Variants in PCDH9 observed in about 807,000 individuals in gnomAD.
The protein encoded by PCDH9 is protocadherin 9.
A neutral mutation model predicts 70.6 loss-of-function variants in PCDH9; 24 were observed. That is an observed-to-expected ratio of 0.34 (90% CI 0.25 to 0.48). The LOEUF is 0.48. PCDH9 is among the 20% of genes least tolerant of loss of function. The probability of loss-of-function intolerance (pLI) is 0.99; values close to 1 mark genes in which losing one functional copy is unlikely to be tolerated. For missense variants in PCDH9, 1,281 were observed against 1,503.6 expected (o/e 0.85, Z 2.45); for synonymous variants, 562 against 558.5 (o/e 1.01, Z -0.09).
chr13:66,799,112 C>T (rs914166006), intron 3 of PCDH9, among the ~76,000 whole-genome samples: 1 of 152,162 alleles, frequency 6.6e-6, no homozygotes, highest in Non-Finnish European at 1.5e-5. Flanking sequence ...AGCCACCACA[C>T]CTGGCCTGCT....
At chr13:66,770,070 C>G (rs931279295) in intron 3 of PCDH9, among the ~76,000 whole-genome samples, 2 of 152,058 alleles carry the variant, frequency 1.3e-5, no homozygotes, top group African/African-American at 4.8e-5. Flanking sequence ...TTTATTTACA[C>G]TGGGAAATAG....
At chr13:67,096,936 C>T (rs78086023) in intron 2 of PCDH9, among the ~76,000 whole-genome samples, 319 of 152,070 alleles carry the variant, frequency 2.1e-3, no homozygotes, top group African/African-American at 7.4e-3. Flanking sequence ...GATTGACTGG[C>T]ACAGTTTTTA....
chr13:66,701,971 G>A (rs2078653708), intron 3 of PCDH9, among the ~76,000 whole-genome samples: 1 of 152,114 alleles, frequency 6.6e-6, no homozygotes, highest in Admixed American at 6.5e-5. Context: ...AGGAAGCTGG[G>A]CAACGCGCAG....
intron 2 of PCDH9, among the ~76,000 whole-genome samples, chr13:66,925,335 C>T (rs200816361): frequency 2.3e-5 from 2 of 85,422 alleles, no homozygotes; most frequent in Non-Finnish European, 4.7e-5. Flanking sequence ...ACATTTTTGG[C>T]TTACCGTATC....
At chr13:66,572,945 C>T (rs2076754593) in intron 4 of PCDH9, among the ~76,000 whole-genome samples, 2 of 151,734 alleles carry the variant, frequency 1.3e-5, no homozygotes, top group African/African-American at 4.8e-5. Flanking sequence ...TTTTTTGTAG[C>T]GGGGACTCAT....
At chr13:66,889,000 C>T (rs938498408) in intron 3 of PCDH9, among the ~76,000 whole-genome samples, 2 of 152,182 alleles carry the variant, frequency 1.3e-5, no homozygotes, top group African/African-American at 4.8e-5. Context: ...TCATATTCAA[C>T]TTTCAGGAAG....
chr13:66,610,605 T>A (rs2077282306), intron 4 of PCDH9, among the ~76,000 whole-genome samples: 1 of 152,210 alleles, frequency 6.6e-6, no homozygotes, highest in African/African-American at 2.4e-5. Flanking sequence ...CCTGAACTTC[T>A]TATTTTAAAT....
chr13:66,892,111 T>C (rs987311382), intron 3 of PCDH9, among the ~76,000 whole-genome samples: 1 of 151,234 alleles, frequency 6.6e-6, no homozygotes, highest in African/African-American at 2.4e-5. Context: ...AACTAGCTAG[T>C]TTTTAATAAA....
At chr13:67,213,239 G>GAAAAAAAAAAAA (rs67729730) in intron 2 of PCDH9, 1 of 73,394 alleles carries the variant, frequency 1.4e-5, no homozygotes, top group Non-Finnish European at 2.4e-5. Flanking sequence ...AAAAAAAAAA[G>GAAAAAAAAAAAA]AAAAAAAAAA....
At chr13:66,308,923 A>G (rs906490320) in intron 4 of PCDH9, among the ~76,000 whole-genome samples, 9 of 152,076 alleles carry the variant, frequency 5.9e-5, no homozygotes, top group Admixed American at 1.3e-4. Flanking sequence ...AACAAAACCT[A>G]TATACATCAA....
rs913335195 is a variant in PCDH9, at chr13:66,600,637, T to C, written c.3340+30573A>G. On this transcript the variant is annotated intron_variant, in intron 4 of 4. Coordinates refer to ENST00000377865, the MANE Select transcript of PCDH9 (RefSeq NM_203487.3). ...TTATATTGTCATATCTGTTTTGTGC[T>C]TTATATTTTATTAACAGTAATTATG... Among the ~76,000 whole-genome samples the C allele has an allele frequency of 1.4e-5, 2 of 147,522 alleles. 1 individual carries two copies. The highest frequency in any genetic ancestry group is 3.1e-5 in the Non-Finnish European group (2 of 65,382).
intron 2 of PCDH9, among the ~76,000 whole-genome samples, chr13:67,042,751 G>A (rs912384235): frequency 1.3e-5 from 2 of 152,158 alleles, no homozygotes; most frequent in African/African-American, 4.8e-5. Flanking sequence ...TTAGCTCCAA[G>A]TGTCACGGTT....
intron 3 of PCDH9, among the ~76,000 whole-genome samples, chr13:66,746,127 C>A (rs1010043158): frequency 1.3e-5 from 2 of 152,132 alleles, no homozygotes; most frequent in East Asian, 1.9e-4. Context: ...TTGCCATATA[C>A]TTTTCACTTA....
At position 66,520,252 on chromosome 13, in the gene PCDH9, G is replaced by A. The variant is rs1034427303; in HGVS notation, c.3340+110958C>T. Among the ~76,000 whole-genome samples, 6 of 152,140 alleles carry A rather than the reference G, an allele frequency of 3.9e-5. No homozygotes were observed. The South Asian group carries it at 8.3e-4, about 21-fold the overall frequency. On this transcript the variant is annotated intron_variant, in intron 4 of 4. Transcript: ENST00000377865. ...GTGTCAACAGACTTTCCTGAATTTGGATTAAATGTGCATACAATGATTTTT... is the reference window on the plus strand; with the variant it reads ...GTGTCAACAGACTTTCCTGAATTTGAATTAAATGTGCATACAATGATTTTT...
chr13:67,180,529 C>T (rs369416249), intron 2 of PCDH9, among the ~76,000 whole-genome samples: 1 of 152,132 alleles, frequency 6.6e-6, no homozygotes, highest in Non-Finnish European at 1.5e-5. Flanking sequence ...TTATTTATAT[C>T]TTCAAGTTCC....
intron 4 of PCDH9, among the ~76,000 whole-genome samples, chr13:66,466,137 A>G (rs564103684): frequency 9.2e-5 from 14 of 152,074 alleles, no homozygotes; most frequent in African/African-American, 3.4e-4. Context: ...AATCAGTTCA[A>G]TTCCATAAAA....
chr13:66,787,311 A>G (rs894575182), intron 3 of PCDH9, among the ~76,000 whole-genome samples: 2 of 152,114 alleles, frequency 1.3e-5, no homozygotes, highest in African/African-American at 4.8e-5. Context: ...TAAAACATAT[A>G]TGTTAAGATA....
intron 2 of PCDH9, among the ~76,000 whole-genome samples, chr13:67,115,300 A>T (rs1477295065): frequency 6.6e-6 from 1 of 152,204 alleles, no homozygotes; most frequent in Admixed American, 6.5e-5. Flanking sequence ...TGCTGGTCAC[A>T]TATCTTTGTG....
intron 2 of PCDH9, among the ~76,000 whole-genome samples, chr13:67,014,765 T>C (rs1250929366): frequency 6.6e-6 from 1 of 152,030 alleles, no homozygotes; most frequent in Admixed American, 6.6e-5. Context: ...TATTCTCCCC[T>C]CCGAACTTCC....
Sources: allele counts gnomAD v4.1 joint callset (sites outside exome capture counted in the v4.1 genomes callset), GRCh38; gene constraint gnomAD v4.1.1; transcripts MANE v1.5; gene names NCBI Gene and HGNC (gene_info 2026-07-23, HGNC 2026-07-21).